Variants in RAC1 observed in about 807,000 individuals in gnomAD.
RAC1 encodes ras-related C3 botulinum toxin substrate 1.
A neutral mutation model predicts 25.2 loss-of-function variants in RAC1; 2 were observed. That is an observed-to-expected ratio of 0.08 (90% CI 0.03 to 0.25). The LOEUF is 0.25. RAC1 is among the 10% of genes least tolerant of loss of function. The probability of loss-of-function intolerance (pLI) is 1.00; values close to 1 mark genes in which losing one functional copy is unlikely to be tolerated. For missense variants in RAC1, 50 were observed against 235.7 expected (o/e 0.21, Z 5.16); for synonymous variants, 88 against 94.0 (o/e 0.94, Z 0.37).
intron 3 of RAC1, among the ~76,000 whole-genome samples, chr7:6,394,839 C>G (rs1331826367): frequency 6.6e-6 from 1 of 151,660 alleles, no homozygotes; most frequent in African/African-American, 2.4e-5. Flanking sequence ...TGCTACCATG[C>G]CTGGCTAATT....
chr7:6,391,855 C>G, intron 2 of RAC1, 69 bp from the exon 3 acceptor site: 3 of 1,608,594 alleles, frequency 1.9e-6, no homozygotes, highest in South Asian at 2.2e-5. Flanking sequence ...GGCACACCTT[C>G]TCTAGGATGG....
At position 6,401,955 on chromosome 7, in the gene RAC1, A is replaced by G. The variant is rs986853950; in HGVS notation, c.376A>G (p.Ile126Val). The change falls in exon 5 of 6, where the codon ATC (isoleucine) becomes GTC (valine). Residue 126 changes from isoleucine (I) to valine (V), a missense_variant. Ile to Val is a conservative substitution (Grantham distance 29). Transcript: ENST00000348035. ...KLDLRDDKDT[I>V]EKLKEKKLTP... ...TGATCTTAGGGATGATAAAGACACG[A>G]TCGAGAAACTGAAGGAGAAGAAGCT... is the stretch of plus-strand genomic sequence containing the variant. 9 of 1,614,206 alleles carry G rather than the reference A, an allele frequency of 5.6e-6. No homozygotes were observed. The highest frequency in any genetic ancestry group is 1.3e-5 in the African/African-American group (1 of 75,054).
intron 3 of RAC1, among the ~76,000 whole-genome samples, chr7:6,395,227 A>C (rs752403605): frequency 3.9e-5 from 6 of 152,220 alleles, no homozygotes; most frequent in Non-Finnish European, 8.8e-5. Context: ...CTGCCTCCCA[A>C]AGTGCTGGGA....
chr7:6,386,428 T>C (rs1428091765), intron 1 of RAC1, among the ~76,000 whole-genome samples: 11 of 152,090 alleles, frequency 7.2e-5, no homozygotes, highest in Admixed American at 5.9e-4. Flanking sequence ...GCTGTCCCAC[T>C]TAAGGCAGCA....
chr7:6,399,848 C>A, intron 3 of RAC1: 1 of 434,512 alleles, frequency 2.3e-6, no homozygotes. Flanking sequence ...AGGAAGCCTC[C>A]TGAGGGTCTG....
chr7:6,390,812 A>T (rs938263957), intron 2 of RAC1, among the ~76,000 whole-genome samples: 7 of 152,166 alleles, frequency 4.6e-5, no homozygotes, highest in African/African-American at 7.2e-5. Context: ...TTATGGGGAA[A>T]AAAAGTCACA....
chr7:6,380,209 G>T (rs1466528386), intron 1 of RAC1, among the ~76,000 whole-genome samples: 1 of 152,134 alleles, frequency 6.6e-6, no homozygotes, highest in African/African-American at 2.4e-5. Context: ...CAGCTGTTTT[G>T]TGTGTTTTCC....
At chr7:6,384,097 C>A (rs1267278901) in intron 1 of RAC1, among the ~76,000 whole-genome samples, 1 of 151,922 alleles carries the variant, frequency 6.6e-6, no homozygotes, top group Non-Finnish European at 1.5e-5. Flanking sequence ...GCCCAGCCAA[C>A]CTTTATCATT....
chr7:6,386,613 C>G (rs1459286233), intron 1 of RAC1, among the ~76,000 whole-genome samples: 1 of 151,716 alleles, frequency 6.6e-6, no homozygotes, highest in Non-Finnish European at 1.5e-5. Context: ...GAAAACCCAT[C>G]TCTACTAAAA....
intron 3 of RAC1, chr7:6,399,913 C>T (rs1275812790): frequency 3.4e-6 from 2 of 580,026 alleles, no homozygotes; most frequent in Non-Finnish European, 6.2e-6. Flanking sequence ...CTTCATGCTC[C>T]CCATTTTCAT....
intron 3 of RAC1, among the ~76,000 whole-genome samples, chr7:6,392,959 C>G (rs950798939): frequency 6.6e-6 from 1 of 152,178 alleles, no homozygotes; most frequent in South Asian, 2.1e-4. Flanking sequence ...TGGGGCCAGC[C>G]GCTGTCAGAA....
chr7:6,397,914 A>C (rs532099931), intron 3 of RAC1, among the ~76,000 whole-genome samples: 51 of 152,244 alleles, frequency 3.3e-4, no homozygotes, highest in African/African-American at 1.2e-3. Flanking sequence ...GCTTGAACCC[A>C]GGAGGCAGAG....
intron 1 of RAC1, among the ~76,000 whole-genome samples, chr7:6,379,483 G>A (rs186499009): frequency 6.6e-6 from 1 of 152,172 alleles, no homozygotes; most frequent in Admixed American, 6.5e-5. Flanking sequence ...TTGTTAGCCA[G>A]GTTGGTCTCA....
chr7:6,393,700 G>A (rs1783152250), intron 3 of RAC1, among the ~76,000 whole-genome samples: 1 of 152,200 alleles, frequency 6.6e-6, no homozygotes, highest in East Asian at 1.9e-4. Context: ...GAGGAGCAAG[G>A]AGGGAGTGGG....
chr7:6,402,261 G>C, intron 5 of RAC1, 55 bp from the exon 6 acceptor site: 1 of 1,551,030 alleles, frequency 6.4e-7, no homozygotes, highest in Non-Finnish European at 8.7e-7. Context: ...CTGGTGGTGT[G>C]ATCAGAAGAG....
chr7:6,387,626 G>C (rs1012156362), intron 2 of RAC1, among the ~76,000 whole-genome samples: 6 of 152,004 alleles, frequency 3.9e-5, no homozygotes, highest in Non-Finnish European at 8.8e-5. Context: ...TTGGGAGGCT[G>C]AGGCAGGAGA....
At position 6,375,028 on chromosome 7, in the gene RAC1, C is replaced by T. The variant is rs959956147; in HGVS notation, c.35+258C>T. On this transcript the variant is annotated intron_variant, in intron 1 of 5. Transcript: ENST00000348035. ...GGCTAGAGGGAAAAGTGAACTCCAC[C>T]CTCCGGCTTTCTTCCCGGACGCCGC... 2.0e-5 allele frequency among the ~76,000 whole-genome samples: 3 copies of T among 151,800 alleles called. No homozygotes were observed. The South Asian group carries it at 6.3e-4, about 32-fold the overall frequency.
intron 1 of RAC1, among the ~76,000 whole-genome samples, chr7:6,383,784 CTTTTTTTTTTTTTTTTTTTTTTTTT>C (rs34847745): frequency 5.0e-5 from 2 of 39,802 alleles, no homozygotes; most frequent in South Asian, 3.4e-3. Flanking sequence ...CAACCTTTAT[CTTTTTTTTTTTTTTTTTTTTTTTTT>C]TTTTTTTTTT....
chr7:6,397,632 T>G (rs1258509629), intron 3 of RAC1, among the ~76,000 whole-genome samples: 1 of 152,116 alleles, frequency 6.6e-6, no homozygotes. Context: ...GTTTGTCAGT[T>G]TTTATTGGAA....
Sources: allele counts gnomAD v4.1 joint callset (sites outside exome capture counted in the v4.1 genomes callset), GRCh38; gene constraint gnomAD v4.1.1; transcripts MANE v1.5; gene names NCBI Gene and HGNC (gene_info 2026-07-23, HGNC 2026-07-21).